The following ERBB4 variants were observed in gnomAD, a reference collection of about 807,000 sequenced individuals.
ERBB4 encodes the protein receptor tyrosine-protein kinase erbB-4.
ERBB4 carries 42 observed loss-of-function variants against 158.0 expected under a neutral mutation model. The ratio of observed to expected loss-of-function variants is 0.27; its 90% CI spans 0.21 to 0.34. The LOEUF (loss-of-function observed/expected upper bound fraction) is 0.34, where lower values mean the gene tolerates loss of function less well. Ranked by LOEUF, ERBB4 falls within the 10% of genes least tolerant of loss-of-function variation. ERBB4 has a pLI of 1.00. For missense variants in ERBB4, 1,333 were observed against 1,624.1 expected, an observed-to-expected ratio of 0.82 and a Z score of 3.08; for synonymous variants, 583 against 558.7, an observed-to-expected ratio of 1.04 and a Z score of -0.61.
chr2:211,507,303 C>T (rs1287160288), intron 20 of ERBB4, among the ~76,000 whole-genome samples: 1 of 152,120 alleles, frequency 6.6e-6, no homozygotes, highest in Non-Finnish European at 1.5e-5. Flanking sequence ...TAGTACCTGT[C>T]CTACTGAAAT....
At chr2:212,420,389 A>T (rs1281811245) in intron 1 of ERBB4, among the ~76,000 whole-genome samples, 13 of 152,112 alleles carry the variant, frequency 8.5e-5, no homozygotes, top group Non-Finnish European at 1.5e-4. Flanking sequence ...GGTCACATAC[A>T]TTTAAAAATG....
chr2:211,455,728 C>A (rs2064365148), intron 20 of ERBB4, among the ~76,000 whole-genome samples: 1 of 152,120 alleles, frequency 6.6e-6, no homozygotes, highest in Admixed American at 6.5e-5. Flanking sequence ...TAAAATATGT[C>A]CACAAGTGAA....
At chr2:212,062,958 C>T (rs952197409) in intron 2 of ERBB4, among the ~76,000 whole-genome samples, 46 of 152,106 alleles carry the variant, frequency 3.0e-4, no homozygotes, top group African/African-American at 1.0e-3. Context: ...ATTGTAGTAC[C>T]TAGCTCACTG....
At chr2:211,682,589 T>G (rs35043628) in intron 12 of ERBB4, among the ~76,000 whole-genome samples, 1 of 152,080 alleles carries the variant, frequency 6.6e-6, no homozygotes, top group Admixed American at 6.5e-5. Context: ...AGTTTTTGTA[T>G]ATGGATATTC....
chr2:211,745,121 G>A (rs1559480174), intron 5 of ERBB4, among the ~76,000 whole-genome samples: 3 of 152,122 alleles, frequency 2.0e-5, no homozygotes, highest in Admixed American at 6.5e-5. Context: ...GGACCTAAGA[G>A]TAAATATTAT....
At chr2:212,140,760 G>A (rs1185529847) in intron 1 of ERBB4, among the ~76,000 whole-genome samples, 1 of 151,052 alleles carries the variant, frequency 6.6e-6, no homozygotes, top group African/African-American at 2.4e-5. Flanking sequence ...AAAAAGTTGA[G>A]TGTAAACTGA....
At chr2:212,472,451 T>C (rs971202756) in intron 1 of ERBB4, among the ~76,000 whole-genome samples, 4 of 151,788 alleles carry the variant, frequency 2.6e-5, no homozygotes, top group African/African-American at 9.7e-5. Context: ...TTTTTGCTAT[T>C]GCTTCCTGAC....
rs1575077265 is a variant in ERBB4, at chr2:212,522,582, G to T, written c.82+15867C>A. Among the ~76,000 whole-genome samples, 5 of 152,022 alleles carry T rather than the reference G, an allele frequency of 3.3e-5. No individual in the cohort carries two copies. The East Asian group carries it at 9.7e-4, about 29-fold the overall frequency. Reference sequence around the variant, plus strand: ...CTACGCAGAGGTAAGACAGGGGAGGGCATCTGGACAGTAAGAAAAAGATGA... The same window carrying T: ...CTACGCAGAGGTAAGACAGGGGAGGTCATCTGGACAGTAAGAAAAAGATGA... On this transcript the variant is annotated intron_variant, in intron 1 of 27. Coordinates refer to ENST00000342788, the MANE Select transcript of ERBB4 (RefSeq NM_005235.3).
At chr2:211,792,700 A>T (rs2076302272) in intron 3 of ERBB4, among the ~76,000 whole-genome samples, 1 of 151,838 alleles carries the variant, frequency 6.6e-6, no homozygotes, top group African/African-American at 2.4e-5. Context: ...CATTTTTCAG[A>T]AAGGTATAAA....
chr2:212,038,107 T>C (rs985787444), intron 2 of ERBB4, among the ~76,000 whole-genome samples: 88 of 152,234 alleles, frequency 5.8e-4, no homozygotes, highest in African/African-American at 2.1e-3. Context: ...TATATAGAAA[T>C]ATGTGATGTA....
At chr2:212,459,796 AGCCTACTAAT>A (rs1297201380) in intron 1 of ERBB4, among the ~76,000 whole-genome samples, 4 of 152,350 alleles carry the variant, frequency 2.6e-5, no homozygotes, top group Non-Finnish European at 4.4e-5. Context: ...ATATATTTAC[AGCCTACTAAT>A]GTTCAACAAA....
chr2:212,368,811 T>C (rs912980361), intron 1 of ERBB4, among the ~76,000 whole-genome samples: 2 of 152,130 alleles, frequency 1.3e-5, no homozygotes, highest in African/African-American at 4.8e-5. Context: ...TCTTGGGAGA[T>C]ATGGCCTATT....
At chr2:212,043,369 T>C (rs868805901) in intron 2 of ERBB4, among the ~76,000 whole-genome samples, 6 of 152,148 alleles carry the variant, frequency 3.9e-5, no homozygotes, top group African/African-American at 1.4e-4. Context: ...TTGTTTCTAA[T>C]TGTGCTAGAA....
chr2:212,030,199 T>G (rs1277073575), intron 2 of ERBB4, among the ~76,000 whole-genome samples: 7 of 152,230 alleles, frequency 4.6e-5, no homozygotes, highest in African/African-American at 1.7e-4. Flanking sequence ...AATCAATCAC[T>G]TAATCCTTTC....
At chr2:211,469,854 GT>G (rs2064788738) in intron 20 of ERBB4, among the ~76,000 whole-genome samples, 1 of 152,078 alleles carries the variant, frequency 6.6e-6, no homozygotes, top group African/African-American at 2.4e-5. Flanking sequence ...GAACAAAGAG[GT>G]TGCTCAAAGC....
intron 5 of ERBB4, among the ~76,000 whole-genome samples, chr2:211,746,283 A>C (rs2074970558): frequency 6.6e-6 from 1 of 152,156 alleles, no homozygotes. Context: ...TCTAAAGCAA[A>C]ATAATATAAA....
intron 3 of ERBB4, among the ~76,000 whole-genome samples, chr2:211,887,397 C>G (rs549336549): frequency 7.9e-5 from 12 of 152,118 alleles, no homozygotes; most frequent in African/African-American, 2.7e-4. Flanking sequence ...AGATTTCACA[C>G]AGTTAACCCA....
At chr2:211,395,082 G>A (rs540940025) in intron 25 of ERBB4, among the ~76,000 whole-genome samples, 1 of 152,156 alleles carries the variant, frequency 6.6e-6, no homozygotes, top group African/African-American at 2.4e-5. Context: ...TGTAAAATGT[G>A]ATTAACATTA....
At chr2:212,500,020 A>G (rs991640292) in intron 1 of ERBB4, among the ~76,000 whole-genome samples, 2 of 152,142 alleles carry the variant, frequency 1.3e-5, no homozygotes, top group Admixed American at 6.6e-5. Context: ...AACATGTTGA[A>G]CACTGATTGC....
Sources: allele counts gnomAD v4.1 joint callset (sites outside exome capture counted in the v4.1 genomes callset), GRCh38; gene constraint gnomAD v4.1.1; transcripts MANE v1.5; gene names NCBI Gene and HGNC (gene_info 2026-07-23, HGNC 2026-07-21).